The following SMPD3 variants were observed in gnomAD, a reference collection of about 807,000 sequenced individuals.
The protein encoded by SMPD3 is sphingomyelin phosphodiesterase 3, also known as nSMase-2.
A neutral mutation model predicts 55.7 loss-of-function variants in SMPD3; 21 were observed. The observed-to-expected ratio is 0.38, with a 90% CI of 0.27 to 0.54. SMPD3 has a LOEUF of 0.54. Among genes scored for constraint, SMPD3 ranks in the 20% least tolerant of loss-of-function variants. SMPD3 has a pLI of 0.80. For missense variants in SMPD3, 842 were observed against 899.6 expected (o/e 0.94, Z 0.82); for synonymous variants, 457 against 404.3 (o/e 1.13, Z -1.56).
At chr16:68,411,669 C>T (rs2090302354) in intron 1 of SMPD3, among the ~76,000 whole-genome samples, 1 of 152,230 alleles carries the variant, frequency 6.6e-6, no homozygotes, top group Non-Finnish European at 1.5e-5. Context: ...CCACGTAGAG[C>T]ATCCTTGTAG....
intron 6 of SMPD3, 59 bp from the exon 7 acceptor site, chr16:68,363,618 G>T: frequency 6.5e-7 from 1 of 1,546,028 alleles, no homozygotes; most frequent in Admixed American, 1.7e-5. Context: ...CAGCCTCTAG[G>T]GGGTGGCCTC....
chr16:68,410,894 T>A (rs1054135368), intron 1 of SMPD3, among the ~76,000 whole-genome samples: 2 of 152,270 alleles, frequency 1.3e-5, no homozygotes, highest in African/African-American at 4.8e-5. Context: ...TGAAGACTCC[T>A]AATGACGGGC....
chr16:68,378,072 C>G (rs1954798296), intron 2 of SMPD3, among the ~76,000 whole-genome samples: 1 of 152,214 alleles, frequency 6.6e-6, no homozygotes, highest in South Asian at 2.1e-4. Context: ...TTCCCGGCAG[C>G]AGGGCTGGGA....
intron 1 of SMPD3, among the ~76,000 whole-genome samples, chr16:68,436,927 A>G (rs2090526898): frequency 6.6e-6 from 1 of 152,204 alleles, no homozygotes; most frequent in Admixed American, 6.5e-5. Flanking sequence ...GGTTCCACAT[A>G]CCAGGTCTGC....
intron 1 of SMPD3, among the ~76,000 whole-genome samples, chr16:68,397,633 G>T (rs769572437): frequency 6.6e-6 from 1 of 152,154 alleles, no homozygotes; most frequent in African/African-American, 2.4e-5. Flanking sequence ...CTCTCCTGTC[G>T]CACTTCTTGC....
chr16:68,411,148 A>T (rs1383442478), intron 1 of SMPD3, among the ~76,000 whole-genome samples: 1 of 152,256 alleles, frequency 6.6e-6, no homozygotes, highest in Non-Finnish European at 1.5e-5. Context: ...CAGGCAAAGC[A>T]GGCCGGGGTC....
chr16:68,420,899 CA>C (rs2090388308), intron 1 of SMPD3, among the ~76,000 whole-genome samples: 1 of 152,194 alleles, frequency 6.6e-6, no homozygotes, highest in Non-Finnish European at 1.5e-5. Flanking sequence ...AGAGAGAGAC[CA>C]AATCGCTCCC....
At chr16:68,423,618 C>G (rs751244267) in intron 1 of SMPD3, among the ~76,000 whole-genome samples, 2 of 152,130 alleles carry the variant, frequency 1.3e-5, no homozygotes, top group African/African-American at 2.4e-5. Context: ...CTCAGGTGTC[C>G]TGTTACAGCA....
intron 1 of SMPD3, among the ~76,000 whole-genome samples, chr16:68,402,691 G>A (rs2090220814): frequency 1.3e-5 from 2 of 152,206 alleles, no homozygotes; most frequent in South Asian, 2.1e-4. Flanking sequence ...ACTCAGAGAG[G>A]CGGTAGCCAC....
chr16:68,387,783 T>G (rs139242387), intron 1 of SMPD3, among the ~76,000 whole-genome samples: 1 of 152,188 alleles, frequency 6.6e-6, no homozygotes, highest in African/African-American at 2.4e-5. Context: ...TCACACCGCA[T>G]CCCTTAGGTA....
At chr16:68,445,788 T>C (rs1468970798) in intron 1 of SMPD3, among the ~76,000 whole-genome samples, 1 of 152,230 alleles carries the variant, frequency 6.6e-6, no homozygotes, top group Non-Finnish European at 1.5e-5. Flanking sequence ...CTATGGGAAG[T>C]AGATCTCTGT....
At chr16:68,363,424 G>T in intron 7 of SMPD3, 72 bp downstream of exon 7, 1 of 1,553,296 alleles carries the variant, frequency 6.4e-7, no homozygotes. Context: ...CTCCCATGTG[G>T]GTCCTGCCCA....
intron 1 of SMPD3, among the ~76,000 whole-genome samples, chr16:68,430,580 C>A (rs183232422): frequency 3.9e-5 from 6 of 152,248 alleles, no homozygotes; most frequent in Non-Finnish European, 4.4e-5. Flanking sequence ...CTGAGTTTGG[C>A]TACATGCCTA....
intron 1 of SMPD3, among the ~76,000 whole-genome samples, chr16:68,442,852 C>T (rs563830525): frequency 3.9e-5 from 6 of 152,272 alleles, no homozygotes; most frequent in African/African-American, 9.6e-5. Context: ...GATGGGGTGC[C>T]GGGTCCTTGG....
At chr16:68,366,489 G>GC (rs1176839983) in intron 3 of SMPD3, among the ~76,000 whole-genome samples, 1 of 152,134 alleles carries the variant, frequency 6.6e-6, no homozygotes, top group Non-Finnish European at 1.5e-5. Context: ...CAGCATCCCC[G>GC]CCCCCCGAAT....
chr16:68,392,222 G>A lies in SMPD3; in HGVS notation c.-268-5563C>T, dbSNP rs550101959. Among the ~76,000 whole-genome samples, 3 of 152,262 alleles carry A rather than the reference G, an allele frequency of 2.0e-5. No individual in the cohort carries two copies. The East Asian group carries it at 5.8e-4, about 29-fold the overall frequency. ...TTTTCAACTTTTCAATGGTGCAAAA[G>A]TAATAGACATTCCATAGAAATTGTA... On this transcript the variant is annotated intron_variant, in intron 1 of 8. Coordinates refer to ENST00000219334, the MANE Select transcript of SMPD3 (RefSeq NM_018667.4).
intron 1 of SMPD3, among the ~76,000 whole-genome samples, chr16:68,391,435 G>C (rs527975279): frequency 6.6e-6 from 1 of 152,340 alleles, no homozygotes. Context: ...GTGCACTTCA[G>C]AGTCCAATCT....
At chr16:68,394,899 C>G (rs1161922461) in intron 1 of SMPD3, among the ~76,000 whole-genome samples, 2 of 152,100 alleles carry the variant, frequency 1.3e-5, no homozygotes, top group Non-Finnish European at 2.9e-5. Context: ...CAGGTGGGCA[C>G]AGAGATGTGT....
intron 1 of SMPD3, among the ~76,000 whole-genome samples, chr16:68,424,197 C>T (rs1253218569): frequency 6.6e-6 from 1 of 151,286 alleles, no homozygotes; most frequent in Non-Finnish European, 1.5e-5. Flanking sequence ...TCTCTTTGGC[C>T]AGGAGTACTG....
Sources: allele counts gnomAD v4.1 joint callset (sites outside exome capture counted in the v4.1 genomes callset), GRCh38; gene constraint gnomAD v4.1.1; transcripts MANE v1.5; gene names NCBI Gene and HGNC (gene_info 2026-07-23, HGNC 2026-07-21).